ZSWIM5: variants seen among roughly 807,000 people sequenced by gnomAD.
ZSWIM5 encodes zinc finger SWIM domain-containing protein 5.
ZSWIM5 carries 55 observed loss-of-function variants against 119.6 expected under a neutral mutation model. The observed-to-expected ratio is 0.46, with a 90% confidence interval of 0.37 to 0.58. ZSWIM5 has a LOEUF of 0.58. Among genes scored for constraint, ZSWIM5 ranks in the 20% least tolerant of loss-of-function variants. ZSWIM5 has a pLI of 0.00. For synonymous variants in ZSWIM5, 537 were observed against 606.9 expected (o/e 0.88, Z 1.69); for missense variants, 1,193 against 1,512.8 (o/e 0.79, Z 3.51).
chr1:45,184,546 CAA>C (rs2149050412), intron 1 of ZSWIM5, among the ~76,000 whole-genome samples: 1 of 152,328 alleles, frequency 6.6e-6, no homozygotes, highest in African/African-American at 2.4e-5. Flanking sequence ...GCAACTCCAG[CAA>C]AGTCTCAGGA....
intron 1 of ZSWIM5, among the ~76,000 whole-genome samples, chr1:45,146,589 A>G (rs534324379): frequency 6.6e-6 from 1 of 151,740 alleles, no homozygotes; most frequent in African/African-American, 2.4e-5. Flanking sequence ...ACAGGTGTAC[A>G]TTACCACGCC....
intron 11 of ZSWIM5, among the ~76,000 whole-genome samples, chr1:45,028,285 A>G (rs1245033815): frequency 6.6e-6 from 1 of 152,204 alleles, no homozygotes; most frequent in Non-Finnish European, 1.5e-5. Context: ...TGGCTTACCC[A>G]AGGTCATGAA....
At chr1:45,054,565 G>C (rs1213815275) in intron 4 of ZSWIM5, among the ~76,000 whole-genome samples, 1 of 152,124 alleles carries the variant, frequency 6.6e-6, no homozygotes, top group Non-Finnish European at 1.5e-5. Context: ...CTGGGCAACA[G>C]AGTGAGACAC....
intron 1 of ZSWIM5, among the ~76,000 whole-genome samples, chr1:45,195,533 A>T (rs1203748566): frequency 6.9e-6 from 1 of 144,996 alleles, no homozygotes; most frequent in Non-Finnish European, 1.5e-5. Flanking sequence ...GTGCCCAGTT[A>T]AAAAAAAAAT....
At chr1:45,127,529 G>C (rs995060400) in intron 1 of ZSWIM5, among the ~76,000 whole-genome samples, 3 of 149,942 alleles carry the variant, frequency 2.0e-5, no homozygotes, top group Non-Finnish European at 4.4e-5. Flanking sequence ...CTGCATACTT[G>C]ATCTCCCAGG....
intron 1 of ZSWIM5, among the ~76,000 whole-genome samples, chr1:45,136,484 C>T (rs868569663): frequency 4.6e-5 from 7 of 151,972 alleles, no homozygotes; most frequent in Admixed American, 2.6e-4. Flanking sequence ...TCTTTAATGA[C>T]GTTAACGTAT....
chr1:45,025,520 A>G (rs1037436725), intron 11 of ZSWIM5, among the ~76,000 whole-genome samples: 3 of 152,122 alleles, frequency 2.0e-5, no homozygotes, highest in African/African-American at 7.2e-5. Context: ...TCCTCATATC[A>G]ATCTTATACA....
intron 8 of ZSWIM5, among the ~76,000 whole-genome samples, chr1:45,036,737 T>C (rs1644987206): frequency 6.6e-6 from 1 of 152,000 alleles, no homozygotes; most frequent in Non-Finnish European, 1.5e-5. Flanking sequence ...AACCCCAGAA[T>C]AGTAAGGAAA....
At chr1:45,122,599 C>A (rs563758201) in intron 1 of ZSWIM5, among the ~76,000 whole-genome samples, 2 of 152,252 alleles carry the variant, frequency 1.3e-5, no homozygotes, top group Admixed American at 1.3e-4. Flanking sequence ...GTGAGGATTT[C>A]CCTGGGTTTT....
At chr1:45,162,884 C>A (rs924956573) in intron 1 of ZSWIM5, among the ~76,000 whole-genome samples, 1 of 152,242 alleles carries the variant, frequency 6.6e-6, no homozygotes. Flanking sequence ...GTAGATTCCA[C>A]CTCTGGGGGC....
rs1050836295 is a variant in ZSWIM5 at position 45,020,548 on chromosome 1, T to A, written c.2613+77A>T. On this transcript the variant is annotated intron_variant, in intron 12 of 13. Transcript: ENST00000359600. Reference sequence around the variant, plus strand: ...AGCCAGACTTGGCCTATGCCCAGTCTCCCAGAGATCTTATCTTCTGCCAAC... The same window carrying A: ...AGCCAGACTTGGCCTATGCCCAGTCACCCAGAGATCTTATCTTCTGCCAAC... 1.6e-5 allele frequency: 25 copies of A among 1,527,426 alleles called. No individual in the cohort carries two copies. The African/African-American group carries it at 2.6e-4, about 16-fold the overall frequency. 94.6% of individuals were successfully genotyped at this position (1,527,426 alleles called of 1,614,324 possible).
intron 2 of ZSWIM5, among the ~76,000 whole-genome samples, chr1:45,077,754 G>C (rs1013174986): frequency 1.3e-5 from 2 of 152,176 alleles, no homozygotes; most frequent in East Asian, 1.9e-4. Flanking sequence ...ACGCCCCGGG[G>C]GGGCCAGTTC....
At chr1:45,123,107 C>G (rs1645603101) in intron 1 of ZSWIM5, among the ~76,000 whole-genome samples, 1 of 152,260 alleles carries the variant, frequency 6.6e-6, no homozygotes, top group East Asian at 1.9e-4. Flanking sequence ...TGAGGCTGCT[C>G]CCTTCCTACC....
Position 45,018,335 on chromosome 1 carries a change from T to G in ZSWIM5, c.*119A>C, listed in dbSNP as rs1159666491. 6.1e-5 allele frequency: 78 copies of G among 1,287,614 alleles called. No individual in the cohort carries two copies. Among genetic ancestry groups the G allele is most frequent in the Non-Finnish European group, 8.1e-5 (76 of 937,080 alleles). 79.8% of individuals were successfully genotyped at this position (1,287,614 alleles called of 1,614,324 possible). A position where few individuals can be genotyped will look rare whatever the true frequency, so the allele number is the denominator to read the frequency against. On this transcript the variant is annotated 3_prime_UTR_variant, in exon 14 of 14. Coordinates refer to ENST00000359600, the MANE Select transcript of ZSWIM5 (RefSeq NM_020883.2). This position sits in a 1 kb window ranked among gnomAD's most constrained non-coding sequence, Gnocchi z 6.7. The stretch of plus-strand genomic sequence containing the variant: ...TCCCCATCCTTAGCCCTGTGGTCCT[T>G]TGGCCTCATCCACAGGTGCTCAGAG...
rs57251077 is a variant in ZSWIM5, at chr1:45,148,494, GA to G, written c.595+57261del. Among the ~76,000 whole-genome samples, 1,286 of 139,868 alleles carry G rather than the reference GA, an allele frequency of 9.2e-3. 12 individuals are homozygous for G. The highest frequency in any genetic ancestry group is 0.028 in the African/African-American group (1,084 of 38,426). 91.8% of individuals were successfully genotyped at this position (139,868 alleles called of 152,430 possible). A position where few individuals can be genotyped will look rare whatever the true frequency, so the allele number is the denominator to read the frequency against. On this transcript the variant is annotated intron_variant, in intron 1 of 13. Coordinates refer to ENST00000359600, the MANE Select transcript of ZSWIM5 (RefSeq NM_020883.2). ...ACACAATTTGAAGAGAAGTTTCATT[GA>G]AAAAAAAAAAAGCTGTAAACCAATT...
intron 1 of ZSWIM5, among the ~76,000 whole-genome samples, chr1:45,160,822 A>ATT (rs36092606): frequency 0.013 from 1,663 of 126,976 alleles, 45 homozygotes; most frequent in African/African-American, 0.045. Context: ...TGCCTGGGTA[A>ATT]TTTTTTTTTT....
intron 1 of ZSWIM5, among the ~76,000 whole-genome samples, chr1:45,163,787 A>AT (rs1218450927): frequency 4.6e-5 from 7 of 152,224 alleles, no homozygotes; most frequent in Admixed American, 2.0e-4. Context: ...GTAAAAAGAA[A>AT]TGAACAAAGC....
chr1:45,092,646 C>A (rs1645375584), intron 1 of ZSWIM5, among the ~76,000 whole-genome samples: 1 of 150,356 alleles, frequency 6.7e-6, no homozygotes, highest in Non-Finnish European at 1.5e-5. Flanking sequence ...CTATGGTACC[C>A]AGCTATTCAA....
At chr1:45,096,458 G>A (rs1645402831) in intron 1 of ZSWIM5, among the ~76,000 whole-genome samples, 1 of 144,120 alleles carries the variant, frequency 6.9e-6, no homozygotes, top group Non-Finnish European at 1.5e-5. Context: ...GTGTGTGTGT[G>A]TGTGCGTGTG....
Sources: gnomAD v4.1 joint callset for allele counts (sites outside exome capture counted in the v4.1 genomes callset) on GRCh38, gnomAD v4.1.1 for gene constraint, Gnocchi (gnomAD v3.1) non-coding constraint, MANE v1.5 for transcripts, NCBI Gene and HGNC (gene_info 2026-07-23, HGNC 2026-07-21) for gene names.